SYN1: variants seen among roughly 807,000 people sequenced by gnomAD.
The protein encoded by SYN1 is synapsin I.
A neutral mutation model predicts 44.6 loss-of-function variants in SYN1; 8 were observed. The ratio of observed to expected loss-of-function variants is 0.18; its 90% CI spans 0.11 to 0.32. SYN1 has a LOEUF of 0.32. SYN1 is among the 10% of genes least tolerant of loss of function. The probability of loss-of-function intolerance (pLI) is 1.00; values close to 1 mark genes in which losing one functional copy is unlikely to be tolerated. For synonymous variants in SYN1, 275 were observed against 280.1 expected (o/e 0.98, Z 0.18); for missense variants, 451 against 639.4 (o/e 0.71, Z 3.18).
Position 47,577,487 on chromosome X carries a change from C to T in SYN1, c.789G>A (p.Thr263=), listed in dbSNP as rs754541700. The change falls in exon 6 of 13, where the codon ACG becomes ACA. Residue 263 remains threonine, a synonymous_variant. Transcript: ENST00000295987. Reference sequence around the variant, plus strand: ...GCCCCATCTTCACAACCACGGGGTACGTTGTACTGCTGAGCTGGTGGGGAA... The same window carrying T: ...GCCCCATCTTCACAACCACGGGGTATGTTGTACTGCTGAGCTGGTGGGGAA... The part of the protein sequence containing the change: ...PNHKEMLSST[T]YPVVVKMGHA... The T allele has an allele frequency of 5.8e-5, 70 of 1,203,101 alleles. No homozygotes were observed. Among genetic ancestry groups the T allele is most frequent in the South Asian group, 4.0e-4 (22 of 55,505 alleles).
chrX:47,586,105 G>A, intron 5 of SYN1: 4 of 942,700 alleles, frequency 4.2e-6, no homozygotes, highest in Non-Finnish European at 5.3e-6. Flanking sequence ...CTGACCTCCT[G>A]GCTAGTCCAA....
rs190406345 is a variant in SYN1, at chrX:47,607,962, G to A, written c.378-764C>T. On this transcript the variant is annotated intron_variant, in intron 1 of 12. Transcript: ENST00000295987. ...GGAGAATCACTTGGACCCAGGAGGCGGAAGTTGCAGTGAGCCAAAATGGTG... is the reference window on the plus strand; with the variant it reads ...GGAGAATCACTTGGACCCAGGAGGCAGAAGTTGCAGTGAGCCAAAATGGTG... Among the ~76,000 whole-genome samples the A allele has an allele frequency of 1.3e-3, 141 of 108,876 alleles. 1 individual carries two copies. The Middle Eastern group carries it at 0.028, about 22-fold the overall frequency. 94.5% of individuals were successfully genotyped at this position (108,876 alleles called of 115,157 possible). A position where few individuals can be genotyped will look rare whatever the true frequency, so the allele number is the denominator to read the frequency against.
chrX:47,594,707 A>ATTTC (rs1328493371), intron 5 of SYN1, among the ~76,000 whole-genome samples: 1 of 101,902 alleles, frequency 9.8e-6, no homozygotes, highest in Non-Finnish European at 2.0e-5. Flanking sequence ...GTCCCATCAC[A>ATTTC]TTTCTTTCTT....
At chrX:47,581,618 T>C (rs1231910107) in intron 5 of SYN1, among the ~76,000 whole-genome samples, 2 of 112,190 alleles carry the variant, frequency 1.8e-5, no homozygotes, top group Non-Finnish European at 3.8e-5. Context: ...GGCCATGCCC[T>C]GTGATCTTAG....
intron 3 of SYN1, 41 bp downstream of exon 3, chrX:47,606,904 A>G: frequency 8.7e-7 from 1 of 1,155,953 alleles, no homozygotes; most frequent in South Asian, 1.8e-5. Flanking sequence ...GAGAGTTCTT[A>G]TGCCTTGCTC....
In SYN1 at chrX:47,576,593, C is replaced by T. The variant is rs1160254110; in HGVS notation, c.885G>A (p.Val295=). The T allele has an allele frequency of 2.5e-6, 3 of 1,210,160 alleles. No individual in the cohort carries two copies. Among genetic ancestry groups the T allele is most frequent in the Non-Finnish European group, 3.4e-6 (3 of 895,349 alleles). ...QHDFQDIASV[V]ALTKTYATAE... ...CAGTGGCATACGTCTTGGTCAGTGCCACGACACTTGCGATGTCCTGGAAGT... is the reference window on the plus strand; with the variant it reads ...CAGTGGCATACGTCTTGGTCAGTGCTACGACACTTGCGATGTCCTGGAAGT... Residue 295 remains valine (V), a synonymous_variant, in exon 7 of 13, where the codon GTG becomes GTA. Coordinates refer to ENST00000295987, the MANE Select transcript of SYN1 (RefSeq NM_006950.3).
At position 47,577,300 on chromosome X, in the gene SYN1, T is replaced by C. The variant is rs1389153383; in HGVS notation, c.837+139A>G. On this transcript the variant is annotated intron_variant, in intron 6 of 12. Transcript: ENST00000295987. The stretch of plus-strand genomic sequence containing the variant: ...GCAAAAGTAATTGTGGTTTTTACCA[T>C]AAGAACTGGCAAAACCCGCAATTAC... 1.4e-5 allele frequency: 9 copies of C among 646,301 alleles called. No homozygotes were observed. In the Admixed American group the frequency reaches 1.9e-4, roughly 14 times the overall value. The allele number at this position is 646,301 out of a possible 1,213,427, so 53.3% of individuals were successfully genotyped here.
intron 9 of SYN1, 143 bp from the exon 10 acceptor site, chrX:47,575,417 T>C: frequency 1.3e-6 from 1 of 797,349 alleles, no homozygotes; most frequent in Non-Finnish European, 1.8e-6. Flanking sequence ...TGAGGAAGGC[T>C]TGTCTGTTCC....
intron 5 of SYN1, among the ~76,000 whole-genome samples, chrX:47,602,062 T>C: frequency 8.9e-6 from 1 of 112,537 alleles, no homozygotes; most frequent in African/African-American, 3.2e-5. Context: ...TTGTCAACAC[T>C]GAGGTAGCAG....
rs747113842 is a variant in SYN1, at chrX:47,572,839, A to AT, written c.*24dup. 7 of 1,208,539 alleles carry AT rather than the reference A, an allele frequency of 5.8e-6. No homozygotes were observed. The South Asian group carries it at 1.1e-4, about 18-fold the overall frequency. ...GGGCCCAGAGAAGGGTTGCCCAGGG[A>AT]TTTTGGGGTTCTCAGAGTGGGGTAT... On this transcript the variant is annotated 3_prime_UTR_variant, in exon 13 of 13. Transcript: ENST00000295987.
Position 47,585,247 on chromosome X carries a change from C to T in SYN1, c.775-7746G>A, listed in dbSNP as rs760118306. The T allele has an allele frequency of 6.7e-5, 80 of 1,202,614 alleles. No homozygotes were observed. The Admixed American group carries it at 1.5e-3, about 23-fold the overall frequency. On this transcript the variant is annotated intron_variant, in intron 5 of 12. Transcript: ENST00000295987. The stretch of plus-strand genomic sequence containing the variant: ...AGCCTTAGGGGATGCCGCTGACATC[C>T]GGTTCGTCTACACCCCCGCCATGGA...
intron 5 of SYN1, among the ~76,000 whole-genome samples, chrX:47,593,626 T>C (rs73206134): frequency 0.096 from 10,657 of 111,451 alleles, 506 homozygotes; most frequent in Non-Finnish European, 0.15. Flanking sequence ...ATATGGAAGT[T>C]TGTCTTCATT....
chrX:47,594,200 C>T (rs2057856788), intron 5 of SYN1, among the ~76,000 whole-genome samples: 1 of 107,724 alleles, frequency 9.3e-6, no homozygotes, highest in South Asian at 4.1e-4. Context: ...CGCCACTGCA[C>T]TCCAGCCTGG....
intron 5 of SYN1, among the ~76,000 whole-genome samples, chrX:47,582,781 G>A (rs2057804333): frequency 1.3e-5 from 1 of 75,754 alleles, no homozygotes; most frequent in Non-Finnish European, 2.4e-5. Flanking sequence ...TTCCCTCATC[G>A]CCCCCTAAAT....
Position 47,576,417 on chromosome X carries a change from A to G in SYN1, c.981-11T>C. On this transcript the variant is annotated splice_polypyrimidine_tract_variant and intron_variant, in intron 7 of 12. Transcript: ENST00000295987. Reference sequence around the variant, plus strand: ...GACACTGACGTCCTCCTGGGGGACAAGGGGACAGAAGCTCAGGGGTGCCTC... The same window carrying G: ...GACACTGACGTCCTCCTGGGGGACAGGGGGACAGAAGCTCAGGGGTGCCTC... 1 of 1,212,071 alleles carries G rather than the reference A, an allele frequency of 8.3e-7. No homozygotes were observed. Among genetic ancestry groups the G allele is most frequent in the Non-Finnish European group, 1.1e-6 (1 of 895,548 alleles).
At chrX:47,591,771 A>T (rs2057848885) in intron 5 of SYN1, among the ~76,000 whole-genome samples, 1 of 110,359 alleles carries the variant, frequency 9.1e-6, no homozygotes, top group South Asian at 3.9e-4. Flanking sequence ...ATACAAGCTC[A>T]GTGGGGGACA....
chrX:47,600,484 C>T (rs2057876606), intron 5 of SYN1, among the ~76,000 whole-genome samples: 1 of 111,769 alleles, frequency 8.9e-6, no homozygotes, highest in Non-Finnish European at 1.9e-5. Flanking sequence ...GAGGTGTGAG[C>T]TACTGTGCAT....
At chrX:47,610,834 A>G (rs2057914645) in intron 1 of SYN1, among the ~76,000 whole-genome samples, 1 of 111,821 alleles carries the variant, frequency 8.9e-6, no homozygotes, top group Admixed American at 9.5e-5. Context: ...GGCTCAAAGA[A>G]GCAGACATGT....
At chrX:47,587,133 C>T (rs1175819315) in intron 5 of SYN1, among the ~76,000 whole-genome samples, 1 of 113,040 alleles carries the variant, frequency 8.8e-6, no homozygotes, top group Non-Finnish European at 1.9e-5. Context: ...TGGAAATTCC[C>T]CATTCACACA....
Sources: allele counts gnomAD v4.1 joint callset (sites outside exome capture counted in the v4.1 genomes callset), GRCh38; gene constraint gnomAD v4.1.1; transcripts MANE v1.5; gene names NCBI Gene and HGNC (gene_info 2026-07-23, HGNC 2026-07-21).